The following MROH9 variants were observed in gnomAD, a reference collection of about 807,000 sequenced individuals.
The protein encoded by MROH9 is maestro heat like repeat family member 9.
In MROH9, 92 loss-of-function variants were observed where a neutral mutation model predicts 98.2. The ratio of observed to expected loss-of-function variants is 0.94; its 90% CI spans 0.79 to 1.11. MROH9 has a LOEUF of 1.11. MROH9 is among the 50% of genes most tolerant of loss of function. The pLI is 0.00. For synonymous variants in MROH9, 397 were observed against 368.9 expected (o/e 1.08, Z -0.87); for missense variants, 1,057 against 1,014.8 (o/e 1.04, Z -0.57).
chr1:171,045,295 C>T (rs1257824263), intron 20 of MROH9, among the ~76,000 whole-genome samples: 1 of 151,708 alleles, frequency 6.6e-6, no homozygotes, highest in African/African-American at 2.4e-5. Flanking sequence ...CCACCGTGCT[C>T]GGCCTGCCCT....
intron 1 of MROH9, 24 bp from the exon 2 acceptor site, chr1:170,945,496 A>G: frequency 1.3e-6 from 2 of 1,564,300 alleles, no homozygotes; most frequent in South Asian, 2.2e-5. Context: ...TGGTTTATGT[A>G]CTAATACGTG....
chr1:171,027,928 T>C (rs914561046), intron 20 of MROH9, among the ~76,000 whole-genome samples: 6 of 152,198 alleles, frequency 3.9e-5, no homozygotes, highest in African/African-American at 1.4e-4. Context: ...ACTTGTAGAT[T>C]CTGGATATTA....
chr1:170,947,718 A>G (rs1339038633), intron 3 of MROH9, 145 bp downstream of exon 3: 10 of 674,850 alleles, frequency 1.5e-5, no homozygotes, highest in Non-Finnish European at 2.2e-5. Flanking sequence ...CAATTTGGTT[A>G]AAAATTGTTT....
chr1:170,969,242 CA>C (rs35538114), intron 7 of MROH9, among the ~76,000 whole-genome samples: 22 of 151,806 alleles, frequency 1.4e-4, no homozygotes, highest in Non-Finnish European at 2.6e-4. Flanking sequence ...ATTATCCACT[CA>C]AAAAAAGGAA....
chr1:171,015,644 C>T (rs1329261076), intron 16 of MROH9, among the ~76,000 whole-genome samples: 2 of 151,130 alleles, frequency 1.3e-5, no homozygotes, highest in East Asian at 3.9e-4. Flanking sequence ...CTCAGTAGCT[C>T]TCATGTCCAA....
intron 19 of MROH9, 44 bp from the exon 20 acceptor site, chr1:171,025,274 T>C: frequency 8.1e-7 from 1 of 1,238,304 alleles, no homozygotes; most frequent in Non-Finnish European, 1.2e-6. Context: ...AAATGTTCTA[T>C]TTCAGCAATC....
chr1:171,059,265 T>C (rs1653942931), intron 20 of MROH9, among the ~76,000 whole-genome samples: 1 of 152,188 alleles, frequency 6.6e-6, no homozygotes, highest in Non-Finnish European at 1.5e-5. Flanking sequence ...AGAAGACTTT[T>C]ACATGGCCAA....
In MROH9 at chr1:171,039,672, G is replaced by GA. The variant is rs532290835; in HGVS notation, c.2281+14260dup. Among the ~76,000 whole-genome samples, 185 of 151,690 alleles carry GA rather than the reference G, an allele frequency of 1.2e-3. 2 individuals carry two copies. In the South Asian group the frequency reaches 0.02, roughly 16 times the overall value. ...TCAGTAATTTAGTAAAACCACTAAA[G>GA]AAAAAAAAGAAATTTGACATTAGGG... On this transcript the variant is annotated intron_variant, in intron 20 of 21. Coordinates refer to ENST00000367759, the MANE Select transcript of MROH9 (RefSeq NM_001163629.2).
chr1:170,987,866 C>T (rs964759168), intron 10 of MROH9, among the ~76,000 whole-genome samples: 8 of 152,096 alleles, frequency 5.3e-5, no homozygotes, highest in Non-Finnish European at 8.8e-5. Flanking sequence ...TATGGCCTAC[C>T]CTTTCTGTTT....
chr1:170,944,836 G>A (rs1649262160), intron 1 of MROH9, among the ~76,000 whole-genome samples: 2 of 151,962 alleles, frequency 1.3e-5, no homozygotes, highest in Non-Finnish European at 2.9e-5. Context: ...CCCTCCACTT[G>A]AAGCTGAAAT....
intron 14 of MROH9, among the ~76,000 whole-genome samples, chr1:170,997,245 A>G (rs910208395): frequency 7.2e-5 from 11 of 152,080 alleles, no homozygotes; most frequent in African/African-American, 1.9e-4. Context: ...TTTGTGGTCT[A>G]TGGGGCCTTG....
intron 2 of MROH9, among the ~76,000 whole-genome samples, chr1:170,946,234 T>A (rs978083990): frequency 1.3e-5 from 2 of 151,976 alleles, no homozygotes; most frequent in Admixed American, 1.3e-4. Flanking sequence ...AGGCAGGCAT[T>A]CACTCTGTAA....
intron 10 of MROH9, among the ~76,000 whole-genome samples, chr1:170,989,637 G>T (rs1164141212): frequency 6.6e-6 from 1 of 152,106 alleles, no homozygotes; most frequent in Non-Finnish European, 1.5e-5. Context: ...GCATTTTCCC[G>T]CTATTCATAA....
intron 3 of MROH9, among the ~76,000 whole-genome samples, chr1:170,952,012 C>T (rs1449175372): frequency 6.6e-6 from 1 of 152,122 alleles, no homozygotes; most frequent in African/African-American, 2.4e-5. Flanking sequence ...CTCATCATCA[C>T]TGGCCATCAG....
chr1:171,062,169 A>T lies in MROH9; in HGVS notation c.2319A>T (p.Arg773Ser). ...AATCAGGTGGTCATTTACTGCTTAGAGATGAAATCGAAGTCATGCTTGATG... is the reference window on the plus strand; with the variant it reads ...AATCAGGTGGTCATTTACTGCTTAGTGATGAAATCGAAGTCATGCTTGATG... ...LAKSGGHLLL[R>S]DEIEVMLDVI... Residue 773 changes from arginine to serine, a missense_variant, in exon 21 of 22, where the codon AGA becomes AGT. By Grantham distance (110) the Arg-to-Ser change is moderately radical. Coordinates refer to ENST00000367759, the MANE Select transcript of MROH9 (RefSeq NM_001163629.2). The T allele has an allele frequency of 6.5e-7, 1 of 1,550,354 alleles. No homozygotes were observed. Among genetic ancestry groups the T allele is most frequent in the East Asian group, 2.4e-5 (1 of 40,864 alleles).
intron 9 of MROH9, among the ~76,000 whole-genome samples, chr1:170,984,216 G>A (rs1001968465): frequency 2.6e-5 from 4 of 152,136 alleles, no homozygotes; most frequent in East Asian, 1.9e-4. Context: ...GAGGAAACCC[G>A]TTAGGCTAGC....
chr1:170,978,515 C>T (rs2101794316), intron 8 of MROH9, among the ~76,000 whole-genome samples: 1 of 151,978 alleles, frequency 6.6e-6, no homozygotes, highest in Admixed American at 6.6e-5. Flanking sequence ...GGAATAAGGG[C>T]TAGACTCCTT....
At chr1:170,981,335 C>T (rs1650921516) in intron 8 of MROH9, among the ~76,000 whole-genome samples, 1 of 152,102 alleles carries the variant, frequency 6.6e-6, no homozygotes. Flanking sequence ...GCACTATTTA[C>T]AATGACAAAG....
At chr1:171,058,050 G>A (rs1247181489) in intron 20 of MROH9, among the ~76,000 whole-genome samples, 1 of 152,142 alleles carries the variant, frequency 6.6e-6, no homozygotes, top group Non-Finnish European at 1.5e-5. Context: ...AAGTCAAAGT[G>A]TCTCTGTTTG....
Sources: gnomAD v4.1 joint callset for allele counts (sites outside exome capture counted in the v4.1 genomes callset) on GRCh38, gnomAD v4.1.1 for gene constraint, MANE v1.5 for transcripts, NCBI Gene and HGNC (gene_info 2026-07-23, HGNC 2026-07-21) for gene names.